The following BCAR3 variants were observed in gnomAD, a reference collection of about 807,000 sequenced individuals.
The protein encoded by BCAR3 is BCAR3 adaptor protein, NSP family member.
In BCAR3, 37 loss-of-function variants were observed where a neutral mutation model predicts 80.1. The observed-to-expected ratio is 0.46, with a 90% CI of 0.36 to 0.61. The LOEUF (loss-of-function observed/expected upper bound fraction) is 0.61, where lower values mean the gene tolerates loss of function less well. BCAR3 is among the 20% of genes least tolerant of loss of function. The pLI is 0.00. For synonymous variants in BCAR3, 389 were observed against 418.9 expected (o/e 0.93, Z 0.87); for missense variants, 978 against 1,068.2 (o/e 0.92, Z 1.18).
intron 2 of BCAR3, among the ~76,000 whole-genome samples, chr1:93,819,639 C>A (rs1470978244): frequency 6.6e-6 from 1 of 152,118 alleles, no homozygotes; most frequent in Non-Finnish European, 1.5e-5. Context: ...AAATATTGGA[C>A]CTTTGCAACT....
At chr1:93,752,017 T>C (rs1026900815) in intron 2 of BCAR3, among the ~76,000 whole-genome samples, 1 of 152,258 alleles carries the variant, frequency 6.6e-6, no homozygotes, top group African/African-American at 2.4e-5. Context: ...AGGTTTGCTT[T>C]GGCTTTTCAC....
intron 2 of BCAR3, among the ~76,000 whole-genome samples, chr1:93,830,429 G>A (rs1203896465): frequency 1.3e-5 from 2 of 152,184 alleles, no homozygotes; most frequent in Non-Finnish European, 2.9e-5. Flanking sequence ...GCCGGTTCCT[G>A]CCTTAACTGA....
chr1:93,696,787 A>G (rs1175996582), intron 3 of BCAR3, among the ~76,000 whole-genome samples: 1 of 151,238 alleles, frequency 6.6e-6, no homozygotes, highest in East Asian at 1.9e-4. Flanking sequence ...TATCTAACCA[A>G]CTCCCATCCC....
chr1:93,703,142 A>G (rs1485323310), intron 3 of BCAR3, among the ~76,000 whole-genome samples: 1 of 152,242 alleles, frequency 6.6e-6, no homozygotes, highest in African/African-American at 2.4e-5. Context: ...AGGTTTCCAG[A>G]GGGACTGCTT....
chr1:93,743,567 C>G (rs1298845714), intron 2 of BCAR3, among the ~76,000 whole-genome samples: 2 of 152,174 alleles, frequency 1.3e-5, no homozygotes, highest in African/African-American at 4.8e-5. Context: ...ACATGGACCT[C>G]AAGGGAGAAA....
intron 3 of BCAR3, among the ~76,000 whole-genome samples, chr1:93,641,765 G>C (rs1365257553): frequency 6.6e-6 from 1 of 152,118 alleles, no homozygotes; most frequent in East Asian, 1.9e-4. Flanking sequence ...ATCTCAGGGA[G>C]CCTTCGGTCC....
intron 2 of BCAR3, among the ~76,000 whole-genome samples, chr1:93,785,647 T>A (rs967773025): frequency 1.3e-5 from 2 of 152,316 alleles, no homozygotes; most frequent in African/African-American, 2.4e-5. Flanking sequence ...TGAATATGCA[T>A]CATTAATGCT....
Position 93,639,680 on chromosome 1 carries a change from T to G in BCAR3, c.357+2624A>C, listed in dbSNP as rs373035126. Among the ~76,000 whole-genome samples the G allele has an allele frequency of 7.2e-5, 11 of 152,090 alleles. 1 individual carries two copies. The highest frequency in any genetic ancestry group is 1.5e-5 in the Non-Finnish European group (1 of 68,014). ...TTAGTAGAGACAGGGTTTCACCATG[T>G]TGGCCAGGCTGGTCTCGAACTCCTG... On this transcript the variant is annotated intron_variant, in intron 3 of 11. Coordinates refer to ENST00000260502, the MANE Select transcript of BCAR3 (RefSeq NM_003567.4).
At chr1:93,663,429 G>T (rs1371673586) in intron 2 of BCAR3, among the ~76,000 whole-genome samples, 1 of 152,124 alleles carries the variant, frequency 6.6e-6, no homozygotes, top group Non-Finnish European at 1.5e-5. Context: ...CAAAGGAAAG[G>T]GTTATCTAGA....
intron 2 of BCAR3, among the ~76,000 whole-genome samples, chr1:93,813,844 G>C (rs368484975): frequency 6.6e-6 from 1 of 152,288 alleles, no homozygotes; most frequent in African/African-American, 2.4e-5. Flanking sequence ...AGGATCCAAT[G>C]AAAGATCAAT....
intron 2 of BCAR3, among the ~76,000 whole-genome samples, chr1:93,764,326 A>G (rs1350671360): frequency 6.6e-6 from 1 of 151,778 alleles, no homozygotes; most frequent in East Asian, 1.9e-4. Context: ...CCATTCAGCC[A>G]TTCTTAGGCC....
intron 2 of BCAR3, among the ~76,000 whole-genome samples, chr1:93,723,765 A>G (rs1650488618): frequency 6.6e-6 from 1 of 152,162 alleles, no homozygotes; most frequent in Admixed American, 6.5e-5. Context: ...GGCAAAGGAA[A>G]AAGAGGCTGT....
At chr1:93,752,172 C>T (rs902338758) in intron 2 of BCAR3, among the ~76,000 whole-genome samples, 2 of 152,256 alleles carry the variant, frequency 1.3e-5, no homozygotes, top group African/African-American at 4.8e-5. Context: ...CCACTTAAAA[C>T]TGTCACTACC....
chr1:93,651,548 T>C (rs1057357714), intron 2 of BCAR3, among the ~76,000 whole-genome samples: 7 of 152,214 alleles, frequency 4.6e-5, no homozygotes, highest in Admixed American at 1.3e-4. Context: ...AAAGGGGTAC[T>C]ATCCTCAACT....
rs1001650487 is a variant in BCAR3, at chr1:93,816,808, A to G, written c.-63+28759T>C. Among the ~76,000 whole-genome samples, 4 of 152,176 alleles carry G rather than the reference A, an allele frequency of 2.6e-5. No individual in the cohort carries two copies. The South Asian group carries it at 6.2e-4, about 24-fold the overall frequency. ...CAAAACAACCACCATAGCTAGGAAC[A>G]AGATATTCAGGAATGCAACAAAAAA... On this transcript the variant is annotated intron_variant, in intron 2 of 13. Coordinates refer to the BCAR3 transcript ENST00000370244.
chr1:93,694,563 T>C (rs1055792333), intron 3 of BCAR3, among the ~76,000 whole-genome samples: 3 of 152,228 alleles, frequency 2.0e-5, no homozygotes, highest in African/African-American at 7.2e-5. Flanking sequence ...TTCTTCTCTA[T>C]AGTCCCCTTC....
At chr1:93,800,935 A>C (rs1653456873) in intron 2 of BCAR3, among the ~76,000 whole-genome samples, 1 of 152,214 alleles carries the variant, frequency 6.6e-6, no homozygotes, top group African/African-American at 2.4e-5. Context: ...TACGCTGAGG[A>C]AGAACACTCT....
intron 2 of BCAR3, among the ~76,000 whole-genome samples, chr1:93,644,927 G>A (rs1676108173): frequency 6.6e-6 from 1 of 152,138 alleles, no homozygotes; most frequent in Non-Finnish European, 1.5e-5. Context: ...CCAGTTCGAA[G>A]GTGCATTCTA....
At chr1:93,692,871 T>A (rs1361805973) in intron 3 of BCAR3, among the ~76,000 whole-genome samples, 1 of 151,938 alleles carries the variant, frequency 6.6e-6, no homozygotes, top group African/African-American at 2.4e-5. Context: ...CCATAGATAT[T>A]TGAGATTTGG....
Sources: gnomAD v4.1 joint callset for allele counts (sites outside exome capture counted in the v4.1 genomes callset) on GRCh38, gnomAD v4.1.1 for gene constraint, MANE v1.5 for transcripts, NCBI Gene and HGNC (gene_info 2026-07-23, HGNC 2026-07-21) for gene names.